The following HYDIN variants were observed in gnomAD, a reference collection of about 807,000 sequenced individuals.
HYDIN encodes HYDIN axonemal central pair apparatus protein, also known as axonemal central pair apparatus protein HYDIN.
A neutral mutation model predicts 403.9 loss-of-function variants in HYDIN; 132 were observed. The observed-to-expected ratio is 0.33, with a 90% CI of 0.28 to 0.38. The LOEUF is 0.38. HYDIN is among the 10% of genes least tolerant of loss of function. The pLI, the probability that HYDIN is intolerant of heterozygous loss-of-function variation, is 1.00. For missense variants in HYDIN, 2,827 were observed against 5,009.5 expected (o/e 0.56, Z 13.15); for synonymous variants, 1,202 against 1,891.7 (o/e 0.64, Z 9.46).
At chr16:71,229,195 T>C (rs1370051520) in intron 1 of HYDIN, among the ~76,000 whole-genome samples, 1 of 150,622 alleles carries the variant, frequency 6.6e-6, no homozygotes, top group Admixed American at 6.6e-5. Flanking sequence ...TTTGGAGATA[T>C]ACCTAATGTA....
rs58595040 is a variant in HYDIN at position 70,842,038 on chromosome 16, G to C, written c.12874-1805C>G. On this transcript the variant is annotated intron_variant, in intron 75 of 85. Transcript: ENST00000393567. ...TGGGCATCCCAAATTTCTTTCCATT[G>C]TGGTTGAAGAACATACTTTGCACGA... 9.3e-3 allele frequency among the ~76,000 whole-genome samples: 1,395 copies of C among 150,722 alleles called. 29 individuals are homozygous for C. The highest frequency in any genetic ancestry group is 0.034 in the African/African-American group (1,352 of 40,102).
intron 45 of HYDIN, among the ~76,000 whole-genome samples, chr16:70,934,196 G>A (rs1374057027): frequency 1.3e-5 from 2 of 152,172 alleles, no homozygotes; most frequent in East Asian, 3.9e-4. Flanking sequence ...TCGAGGGAGT[G>A]GTGGAGACAG....
At chr16:71,053,841 A>C (rs2081757287) in intron 18 of HYDIN, among the ~76,000 whole-genome samples, 1 of 152,258 alleles carries the variant, frequency 6.6e-6, no homozygotes, top group Admixed American at 6.5e-5. Context: ...AACATGTGTT[A>C]ATTTTTGTAT....
chr16:71,183,649 A>G (rs1382923809), intron 3 of HYDIN, among the ~76,000 whole-genome samples: 1 of 152,158 alleles, frequency 6.6e-6, no homozygotes, highest in African/African-American at 2.4e-5. Context: ...CAAGAATTTC[A>G]TAAGTAACAA....
intron 18 of HYDIN, among the ~76,000 whole-genome samples, chr16:71,048,972 G>C (rs1403598153): frequency 3.3e-5 from 5 of 152,214 alleles, no homozygotes; most frequent in African/African-American, 1.2e-4. Flanking sequence ...CTAAAAAGTA[G>C]TTAAGAGGGC....
intron 18 of HYDIN, among the ~76,000 whole-genome samples, chr16:71,048,997 C>T (rs1366655776): frequency 2.6e-5 from 4 of 152,316 alleles, no homozygotes; most frequent in African/African-American, 4.8e-5. Flanking sequence ...TATAAATCAA[C>T]GAGTTGAAGC....
chr16:70,883,880 C>T, intron 59 of HYDIN, 40 bp downstream of exon 59: 1 of 1,580,690 alleles, frequency 6.3e-7, no homozygotes. Flanking sequence ...CTCAGATGAA[C>T]ACCTTTTAAG....
chr16:71,061,686 T>C (rs2082084644), intron 17 of HYDIN, among the ~76,000 whole-genome samples: 1 of 151,940 alleles, frequency 6.6e-6, no homozygotes, highest in Non-Finnish European at 1.5e-5. Context: ...TGAAGGAAAC[T>C]GATCTCCCAG....
Position 70,895,981 on chromosome 16 carries a change from C to A in HYDIN, c.9148G>T (p.Gly3050Ter). ...DIALDITFPK[G>*]AEGGLDFGIV... is the part of the protein sequence containing the mutation. ...CCTGTCCTTGAAGGGCCCAACAGAC[C>A]TTTGGGGAAGGTGATGTCCAAGGCG... Residue 3050 changes from glycine to a stop codon, truncating the protein, a stop_gained and splice_region_variant, in exon 54 of 86, where the codon GGA becomes TGA. Coordinates refer to ENST00000393567, the MANE Select transcript of HYDIN (RefSeq NM_001270974.2). LOFTEE classifies it high-confidence loss of function. The A allele has an allele frequency of 6.2e-7, 1 of 1,606,136 alleles. No homozygotes were observed. Among genetic ancestry groups the A allele is most frequent in the Non-Finnish European group, 8.5e-7 (1 of 1,177,068 alleles).
Position 70,860,917 on chromosome 16 carries a change from T to C in HYDIN, c.11778-16A>G, listed in dbSNP as rs540140597. 3.3e-4 allele frequency: 212 copies of C among 633,332 alleles called. No individual in the cohort carries two copies. Among genetic ancestry groups the C allele is most frequent in the Non-Finnish European group, 4.8e-4 (169 of 354,174 alleles). The allele number at this position is 633,332 out of a possible 1,614,324, so 39.2% of individuals were successfully genotyped here. On this transcript the variant is annotated splice_polypyrimidine_tract_variant and intron_variant, in intron 69 of 85. Transcript: ENST00000393567. ...GTTGGGAATCCTGAGAGGATAAGGT[T>C]ATTTTTATTTGTTTTATTTTGTCAT...
intron 45 of HYDIN, among the ~76,000 whole-genome samples, chr16:70,934,276 A>T (rs112521400): frequency 0.018 from 2,808 of 152,102 alleles, 79 homozygotes; most frequent in African/African-American, 0.063. Context: ...GGAGACAAGC[A>T]TGAAGGGAAG....
At chr16:70,893,904 T>A (rs1567781450) in intron 55 of HYDIN, 2 of 154,062 alleles carry the variant, frequency 1.3e-5, no homozygotes, top group Non-Finnish European at 2.9e-5. Context: ...GATTGTACAA[T>A]ATCATGATTC....
intron 73 of HYDIN, among the ~76,000 whole-genome samples, chr16:70,853,031 AT>A (rs890951712): frequency 3.2e-5 from 4 of 123,718 alleles, no homozygotes; most frequent in African/African-American, 9.1e-5. Flanking sequence ...AAAAAAAAAA[AT>A]TAGCCGGGCA....
intron 23 of HYDIN, among the ~76,000 whole-genome samples, chr16:71,005,307 C>A (rs947088164): frequency 2.0e-5 from 3 of 152,084 alleles, no homozygotes; most frequent in Non-Finnish European, 4.4e-5. Context: ...ATGTGGCCAA[C>A]TAGTACTTGA....
rs75027585 is a variant in HYDIN, at chr16:70,946,499, T to C, written c.6532-2550A>G. 7.0e-3 allele frequency among the ~76,000 whole-genome samples: 1,068 copies of C among 152,136 alleles called. 79 individuals are homozygous for C. The East Asian group carries it at 0.17, about 24-fold the overall frequency. Reference sequence around the variant, plus strand: ...CCCAGCTATGTTCAGCTGGTCTGCATGGAGTAGGGGGAGGATTAGGTTTGC... The same window carrying C: ...CCCAGCTATGTTCAGCTGGTCTGCACGGAGTAGGGGGAGGATTAGGTTTGC... On this transcript the variant is annotated intron_variant, in intron 41 of 85. Transcript: ENST00000393567.
chr16:70,810,920 A>T (rs2035455198), intron 84 of HYDIN, among the ~76,000 whole-genome samples: 1 of 152,218 alleles, frequency 6.6e-6, no homozygotes, highest in African/African-American at 2.4e-5. Context: ...AGCAGGTTCC[A>T]GAAATGCATA....
At chr16:71,006,843 GAGTAGAGGGCAA>G (rs2079903714) in intron 23 of HYDIN, among the ~76,000 whole-genome samples, 1 of 152,150 alleles carries the variant, frequency 6.6e-6, no homozygotes, top group African/African-American at 2.4e-5. Context: ...CAAGGCTGAG[GAGTAGAGGGCAA>G]AGTGCTGAAC....
At chr16:70,869,738 G>A (rs1383858477) in intron 65 of HYDIN, among the ~76,000 whole-genome samples, 3 of 149,964 alleles carry the variant, frequency 2.0e-5, no homozygotes, top group East Asian at 3.9e-4. Flanking sequence ...TATCAGCAAC[G>A]TGAAAATGAA....
At chr16:70,809,701 T>C in intron 85 of HYDIN, 82 bp downstream of exon 85, 3 of 1,109,676 alleles carry the variant, frequency 2.7e-6, no homozygotes, top group Non-Finnish European at 4.1e-6. Flanking sequence ...CTCACATTCA[T>C]GCTCCCTGTG....
Sources: allele counts gnomAD v4.1 joint callset (sites outside exome capture counted in the v4.1 genomes callset), GRCh38; gene constraint gnomAD v4.1.1; transcripts MANE v1.5; gene names NCBI Gene and HGNC (gene_info 2026-07-23, HGNC 2026-07-21).